Variants in NAPB observed in about 807,000 individuals in gnomAD.
NAPB encodes beta-soluble NSF attachment protein.
In NAPB, 26 loss-of-function variants were observed where a neutral mutation model predicts 44.7. That is an observed-to-expected ratio of 0.58 (90% CI 0.43 to 0.81). The LOEUF is 0.81. Ranked by LOEUF, NAPB falls within the 30% of genes least tolerant of loss-of-function variation. The pLI, the probability that NAPB is intolerant of heterozygous loss-of-function variation, is 0.00. For missense variants in NAPB, 315 were observed against 356.4 expected (o/e 0.88, Z 0.94); for synonymous variants, 120 against 116.8 (o/e 1.03, Z -0.18).
At chr20:23,403,137 A>C in intron 1 of NAPB, 65 bp from the exon 2 acceptor site, 1 of 1,148,848 alleles carries the variant, frequency 8.7e-7, no homozygotes, top group Non-Finnish European at 1.3e-6. Flanking sequence ...CCTCCCTCAA[A>C]TGATTAACAT....
At chr20:23,417,215 C>T (rs1260682746) in intron 1 of NAPB, among the ~76,000 whole-genome samples, 4 of 151,998 alleles carry the variant, frequency 2.6e-5, no homozygotes, top group African/African-American at 9.7e-5. Flanking sequence ...TACCAAGTAG[C>T]TGGTATTACA....
chr20:23,380,285 C>T (rs978374382), intron 8 of NAPB, among the ~76,000 whole-genome samples: 2 of 152,166 alleles, frequency 1.3e-5, no homozygotes, highest in African/African-American at 2.4e-5. Flanking sequence ...GCTTCCTGCT[C>T]GAAGCTGACA....
In NAPB at chr20:23,376,031, A is replaced by G. The variant is rs892285583; in HGVS notation, c.*1345T>C. The G allele has an allele frequency of 1.3e-5, 2 of 152,196 alleles. No individual in the cohort carries two copies. Among genetic ancestry groups the G allele is most frequent in the Non-Finnish European group, 2.9e-5 (2 of 68,042 alleles). 9.4% of individuals were successfully genotyped at this position (152,196 alleles called of 1,614,324 possible). A position where few individuals can be genotyped will look rare whatever the true frequency, so the allele number is the denominator to read the frequency against. Reference sequence around the variant, plus strand: ...CCAAAAATGAAAACATCATTCCAATACTACTTACTACTACCTGACATAACA... The same window carrying G: ...CCAAAAATGAAAACATCATTCCAATGCTACTTACTACTACCTGACATAACA... On this transcript the variant is annotated 3_prime_UTR_variant, in exon 11 of 11. Coordinates refer to ENST00000377026, the MANE Select transcript of NAPB (RefSeq NM_022080.3).
intron 5 of NAPB, among the ~76,000 whole-genome samples, chr20:23,392,178 A>T: frequency 6.6e-6 from 1 of 152,238 alleles, no homozygotes; most frequent in African/African-American, 2.4e-5. Context: ...CACAGAGCCC[A>T]CATTTTAGAG....
chr20:23,389,231 TAAA>T (rs71330886), intron 7 of NAPB, among the ~76,000 whole-genome samples: 1,453 of 115,378 alleles, frequency 0.013, 25 homozygotes, highest in African/African-American at 0.047. Context: ...GACTATTATT[TAAA>T]AAAAAAAAAA....
At chr20:23,394,014 A>C (rs1984164870) in intron 5 of NAPB, among the ~76,000 whole-genome samples, 1 of 152,100 alleles carries the variant, frequency 6.6e-6, no homozygotes, top group Non-Finnish European at 1.5e-5. Context: ...AAAAGAGGAG[A>C]GGCCAGGCCA....
At chr20:23,421,265 AG>A in intron 1 of NAPB, 39 bp downstream of exon 1, 1 of 1,227,506 alleles carries the variant, frequency 8.1e-7, no homozygotes. Flanking sequence ...CCAAGTACGG[AG>A]ACCCCCCCCC....
chr20:23,397,257 TG>T, intron 2 of NAPB, 69 bp from the exon 3 acceptor site: 1 of 1,491,104 alleles, frequency 6.7e-7, no homozygotes. Flanking sequence ...CTGTAAGCAC[TG>T]GACCTCCCTA....
rs974299883 is a variant in NAPB at position 23,376,678 on chromosome 20, T to C, written c.*698A>G. The C allele has an allele frequency of 2.0e-5, 3 of 151,530 alleles. No homozygotes were observed. The highest frequency in any genetic ancestry group is 7.3e-5 in the African/African-American group (3 of 40,886). 9.4% of individuals were successfully genotyped at this position (151,530 alleles called of 1,614,324 possible). Reference sequence around the variant, plus strand: ...TCCATTTCTAACAGATCTTGTGATATGTGTGTGTGTGTAAACGCGTGTGTC... The same window carrying C: ...TCCATTTCTAACAGATCTTGTGATACGTGTGTGTGTGTAAACGCGTGTGTC... On this transcript the variant is annotated 3_prime_UTR_variant, in exon 11 of 11. Transcript: ENST00000377026.
chr20:23,384,896 T>C (rs960304195), intron 7 of NAPB, among the ~76,000 whole-genome samples: 6 of 151,826 alleles, frequency 4.0e-5, no homozygotes, highest in African/African-American at 1.5e-4. Context: ...AAGGCGGGTG[T>C]ATCACCGAGG....
At position 23,408,219 on chromosome 20, in the gene NAPB, G is replaced by A. The variant is rs77524159; in HGVS notation, c.99-5147C>T. On this transcript the variant is annotated intron_variant, in intron 1 of 10. Coordinates refer to ENST00000377026, the MANE Select transcript of NAPB (RefSeq NM_022080.3). ...AAGACTGAAAAGGGACTTGCCCAGT[G>A]TGGGGAGCCTGGGGGGATCCCCACA... 7.7e-3 allele frequency among the ~76,000 whole-genome samples: 1,179 copies of A among 152,322 alleles called. 20 individuals are homozygous for A. Among genetic ancestry groups the A allele is most frequent in the African/African-American group, 0.027 (1,102 of 41,574 alleles).
At chr20:23,382,182 G>A (rs898984389) in intron 7 of NAPB, among the ~76,000 whole-genome samples, 1 of 152,174 alleles carries the variant, frequency 6.6e-6, no homozygotes, top group African/African-American at 2.4e-5. Context: ...AACAGATAAG[G>A]AGAGGGGATG....
Position 23,396,062 on chromosome 20 carries a change from CGTT to C in NAPB, c.296-880_296-878del, listed in dbSNP as rs536862628. On this transcript the variant is annotated intron_variant, in intron 3 of 10. Transcript: ENST00000377026. ...ATCTATCAATAATCCCGCTCAAATC[CGTT>C]GTTAGTACTCAGATGTACTTTCCTT... Among the ~76,000 whole-genome samples the C allele has an allele frequency of 9.7e-4, 147 of 152,300 alleles. 1 individual carries two copies. Among genetic ancestry groups the C allele is most frequent in the African/African-American group, 3.4e-3 (142 of 41,558 alleles).
intron 1 of NAPB, among the ~76,000 whole-genome samples, chr20:23,406,773 T>A (rs1292012220): frequency 1.3e-5 from 2 of 152,230 alleles, no homozygotes; most frequent in African/African-American, 2.4e-5. Flanking sequence ...TAAAGAGTAC[T>A]GGGAATCTTG....
In NAPB at chr20:23,376,230, A is replaced by G. The variant is rs1982506593; in HGVS notation, c.*1146T>C. ...ATCAGCATATAAATTAATAGGATCA[A>G]GTTCATGAATCAAGATAGCATACAT... On this transcript the variant is annotated 3_prime_UTR_variant, in exon 11 of 11. Transcript: ENST00000377026. 1 of 152,220 alleles carries G rather than the reference A, an allele frequency of 6.6e-6. No individual in the cohort carries two copies. The highest frequency in any genetic ancestry group is 1.5e-5 in the Non-Finnish European group (1 of 68,050). The allele number at this position is 152,220 out of a possible 1,614,324, so 9.4% of individuals were successfully genotyped here.
intron 2 of NAPB, 143 bp from the exon 3 acceptor site, chr20:23,397,331 T>G: frequency 1.0e-6 from 1 of 955,554 alleles, no homozygotes; most frequent in Non-Finnish European, 1.5e-6. Flanking sequence ...TGTGGTCCAG[T>G]GCACCTCGGG....
intron 1 of NAPB, among the ~76,000 whole-genome samples, chr20:23,420,257 A>T (rs530860790): frequency 6.6e-6 from 1 of 152,348 alleles, no homozygotes; most frequent in East Asian, 1.9e-4. Context: ...GAAGAATTAC[A>T]GGAAATTAAA....
At chr20:23,399,390 T>C (rs6048781) in intron 2 of NAPB, among the ~76,000 whole-genome samples, 86,156 of 151,952 alleles carry the variant, frequency 0.57, 26,251 homozygotes, top group East Asian at 0.88. Flanking sequence ...AACTGCCTTG[T>C]TCCTTCCACC....
intron 1 of NAPB, among the ~76,000 whole-genome samples, chr20:23,404,304 C>T (rs1369795982): frequency 6.6e-6 from 1 of 152,176 alleles, no homozygotes; most frequent in Admixed American, 6.5e-5. Context: ...CATAAGGACT[C>T]AGAGACAGGA....
Sources: gnomAD v4.1 joint callset for allele counts (sites outside exome capture counted in the v4.1 genomes callset) on GRCh38, gnomAD v4.1.1 for gene constraint, MANE v1.5 for transcripts, NCBI Gene and HGNC (gene_info 2026-07-23, HGNC 2026-07-21) for gene names.